The following CKAP2L variants were observed in gnomAD, a reference collection of about 807,000 sequenced individuals.
CKAP2L encodes the protein cytoskeleton associated protein 2L.
In CKAP2L, 42 loss-of-function variants were observed where a neutral mutation model predicts 65.7. That is an observed-to-expected ratio of 0.64 (90% CI 0.50 to 0.83). The LOEUF is 0.83. CKAP2L is among the 40% of genes least tolerant of loss of function. The pLI, the probability that CKAP2L is intolerant of heterozygous loss-of-function variation, is 0.00. For missense variants in CKAP2L, 908 were observed against 871.0 expected, an observed-to-expected ratio of 1.04 and a Z score of -0.53; for synonymous variants, 325 against 313.5, an observed-to-expected ratio of 1.04 and a Z score of -0.39.
At chr2:112,742,842 T>A (rs1680061406) in intron 6 of CKAP2L, 73 bp from the exon 7 acceptor site, 1 of 935,262 alleles carries the variant, frequency 1.1e-6, no homozygotes, top group Non-Finnish European at 1.7e-6. Flanking sequence ...AACTTTAACT[T>A]CAAATACATG....
chr2:112,743,973 A>G (rs1464956132), intron 6 of CKAP2L, among the ~76,000 whole-genome samples: 1 of 152,232 alleles, frequency 6.6e-6, no homozygotes, highest in Non-Finnish European at 1.5e-5. Context: ...GGAACTCTGT[A>G]TCAAATAGAT....
At position 112,764,441 on chromosome 2, in the gene CKAP2L, G is replaced by A. The variant is rs114643067; in HGVS notation, c.37+121C>T. On this transcript the variant is annotated intron_variant, in intron 1 of 8. Coordinates refer to ENST00000302450, the MANE Select transcript of CKAP2L (RefSeq NM_152515.5). The stretch of plus-strand genomic sequence containing the variant: ...GCGCTCCCGGGATGGAAAACGCCCA[G>A]GGGAAACTTAGGCAGGCGAGCGGAC... The A allele has an allele frequency of 1.6e-3, 1,768 of 1,128,548 alleles. 23 individuals carry two copies. In the African/African-American group the frequency reaches 0.024, roughly 15 times the overall value. 69.9% of individuals were successfully genotyped at this position (1,128,548 alleles called of 1,614,324 possible). A position where few individuals can be genotyped will look rare whatever the true frequency, so the allele number is the denominator to read the frequency against.
At position 112,738,845 on chromosome 2, in the gene CKAP2L, C is replaced by A. The variant is rs371804096; in HGVS notation, c.2216G>T (p.Gly739Val). The change falls in exon 9 of 9, where the codon GGG (glycine) becomes GTG (valine). Residue 739 changes from glycine (G) to valine (V), a missense_variant. Gly to Val is a moderately radical substitution (Grantham distance 109). Transcript: ENST00000302450. ...AAATTATGATTCAGGGGTTTGAAACCCCAATGTTACAGGCAGCGCCTCATT... is the reference window on the plus strand; with the variant it reads ...AAATTATGATTCAGGGGTTTGAAACACCAATGTTACAGGCAGCGCCTCATT... ...RRNEALPVTL[G>V]FQTPES is the part of the protein sequence containing the mutation. 4 of 1,611,424 alleles carry A rather than the reference C, an allele frequency of 2.5e-6. No individual in the cohort carries two copies. Among genetic ancestry groups the A allele is most frequent in the Middle Eastern group, 1.7e-4 (1 of 6,050 alleles).
intron 4 of CKAP2L, among the ~76,000 whole-genome samples, chr2:112,755,386 C>T (rs1443143964): frequency 6.6e-6 from 1 of 152,134 alleles, no homozygotes; most frequent in East Asian, 1.9e-4. Flanking sequence ...GTGATCCGCT[C>T]ACCTCGGCCT....
intron 3 of CKAP2L, among the ~76,000 whole-genome samples, chr2:112,758,773 A>G (rs1050043980): frequency 6.6e-6 from 1 of 152,170 alleles, no homozygotes; most frequent in African/African-American, 2.4e-5. Context: ...CATTTTAGTA[A>G]GTGCACACTT....
At chr2:112,761,896 G>A (rs1263869981) in intron 2 of CKAP2L, among the ~76,000 whole-genome samples, 1 of 152,200 alleles carries the variant, frequency 6.6e-6, no homozygotes, top group Non-Finnish European at 1.5e-5. Context: ...AAAATAAAGG[G>A]TGAAAGCTAA....
At chr2:112,751,340 C>T (rs1395462358) in intron 5 of CKAP2L, among the ~76,000 whole-genome samples, 1 of 152,066 alleles carries the variant, frequency 6.6e-6, no homozygotes. Context: ...CTTCATTTCT[C>T]GACATACCTA....
At chr2:112,748,549 G>T (rs1277155206) in intron 5 of CKAP2L, among the ~76,000 whole-genome samples, 1 of 152,150 alleles carries the variant, frequency 6.6e-6, no homozygotes, top group Non-Finnish European at 1.5e-5. Flanking sequence ...GAATTCACAT[G>T]AAAGACTTGA....
At chr2:112,744,619 T>G (rs1190560772) in intron 6 of CKAP2L, among the ~76,000 whole-genome samples, 1 of 152,212 alleles carries the variant, frequency 6.6e-6, no homozygotes, top group African/African-American at 2.4e-5. Context: ...AAAGTTTCTA[T>G]GTTGAGGGTT....
Position 112,740,796 on chromosome 2 carries a change from G to A in CKAP2L, c.2012+22C>T, listed in dbSNP as rs760025632. 12 of 1,574,788 alleles carry A rather than the reference G, an allele frequency of 7.6e-6. No individual in the cohort carries two copies. The African/African-American group carries it at 1.6e-4, about 21-fold the overall frequency. On this transcript the variant is annotated intron_variant, in intron 8 of 8. Transcript: ENST00000302450. ...CTAGAATTAAGTCTGTGAACACAAA[G>A]TCTGCTTTAGAGTTTGCTTACCTAG...
intron 5 of CKAP2L, among the ~76,000 whole-genome samples, chr2:112,748,987 A>C (rs1254317861): frequency 1.3e-5 from 2 of 152,234 alleles, no homozygotes; most frequent in African/African-American, 4.8e-5. Context: ...TTATGAAATA[A>C]AACTAGATTA....
chr2:112,740,701 G>T, intron 8 of CKAP2L, 117 bp downstream of exon 8: 2 of 778,552 alleles, frequency 2.6e-6, no homozygotes, highest in Non-Finnish European at 2.1e-6. Context: ...CCTGACTCTG[G>T]CAGCACCTTC....
intron 5 of CKAP2L, among the ~76,000 whole-genome samples, chr2:112,749,865 C>A (rs984253058): frequency 2.6e-5 from 4 of 152,174 alleles, no homozygotes; most frequent in Non-Finnish European, 5.9e-5. Context: ...GAGAGGGAGG[C>A]TGCAGGGATG....
In CKAP2L at chr2:112,756,483, T is replaced by C. The variant is rs1450910258; in HGVS notation, c.888A>G (p.Val296=). Residue 296 remains valine, a synonymous_variant, in exon 4 of 9, where the codon GTA becomes GTG. Coordinates refer to ENST00000302450, the MANE Select transcript of CKAP2L (RefSeq NM_152515.5). ...LSKVQSSKKP[V]VKNIKDIKVN... The stretch of plus-strand genomic sequence containing the variant: ...CCTTTATATCTTTGATGTTCTTGAC[T>C]ACTGGTTTCTTTGATGACTGAACTT... The C allele has an allele frequency of 6.2e-7, 1 of 1,609,666 alleles. No homozygotes were observed. Among genetic ancestry groups the C allele is most frequent in the East Asian group, 2.2e-5 (1 of 44,880 alleles).
rs199616479 is a variant in CKAP2L, at chr2:112,738,896, T to A, written c.2165A>T (p.Glu722Val). Residue 722 changes from glutamate to valine, a missense_variant, in exon 9 of 9, where the codon GAA becomes GTA. Coordinates refer to ENST00000302450, the MANE Select transcript of CKAP2L (RefSeq NM_152515.5). ...ASLDELLEVE[E>V]TKCFIFRRNE... ...TCTACGGAATATAAAACATTTTGTT[T>A]CTTCCACTTCTAACAGTTCATCAAG... 4 of 1,614,140 alleles carry A rather than the reference T, an allele frequency of 2.5e-6. No homozygotes were observed. The highest frequency in any genetic ancestry group is 3.4e-6 in the Non-Finnish European group (4 of 1,179,990).
intron 3 of CKAP2L, among the ~76,000 whole-genome samples, chr2:112,759,703 T>C (rs1320272615): frequency 6.6e-6 from 1 of 152,216 alleles, no homozygotes; most frequent in Non-Finnish European, 1.5e-5. Flanking sequence ...TTGCCTTATA[T>C]ACATTTTGCT....
rs760868339 is a variant in CKAP2L at position 112,738,903 on chromosome 2, C to A, written c.2158G>T (p.Val720Leu). 6.2e-7 allele frequency: 1 copy of A among 1,614,128 alleles called. No individual in the cohort carries two copies. The highest frequency in any genetic ancestry group is 8.5e-7 in the Non-Finnish European group (1 of 1,179,982). Residue 720 changes from valine to leucine, a missense_variant, in exon 9 of 9, where the codon GTG becomes TTG. Val to Leu is a conservative substitution (Grantham distance 32). Coordinates refer to ENST00000302450, the MANE Select transcript of CKAP2L (RefSeq NM_152515.5). ...VVASLDELLE[V>L]EETKCFIFRR... ...AATATAAAACATTTTGTTTCTTCCACTTCTAACAGTTCATCAAGAGAAGCC... is the reference window on the plus strand; with the variant it reads ...AATATAAAACATTTTGTTTCTTCCAATTCTAACAGTTCATCAAGAGAAGCC...
chr2:112,742,461 A>G (rs1186180461), intron 7 of CKAP2L: 2 of 717,790 alleles, frequency 2.8e-6, no homozygotes, highest in Non-Finnish European at 5.2e-6. Context: ...GATTCCAAGG[A>G]AGTGGGACAC....
intron 3 of CKAP2L, among the ~76,000 whole-genome samples, chr2:112,759,831 A>C (rs1047689727): frequency 2.0e-5 from 3 of 152,024 alleles, no homozygotes; most frequent in Non-Finnish European, 4.4e-5. Flanking sequence ...AAACTTATTA[A>C]AATTCTCACC....
Sources: allele counts gnomAD v4.1 joint callset (sites outside exome capture counted in the v4.1 genomes callset), GRCh38; gene constraint gnomAD v4.1.1; transcripts MANE v1.5; gene names NCBI Gene and HGNC (gene_info 2026-07-23, HGNC 2026-07-21).